CABIN1: variants seen among roughly 807,000 people sequenced by gnomAD.
The protein encoded by CABIN1 is calcineurin binding protein 1, also known as calcineurin-binding protein cabin-1.
A neutral mutation model predicts 227.7 loss-of-function variants in CABIN1; 133 were observed. That is an observed-to-expected ratio of 0.58 (90% CI 0.51 to 0.67). The LOEUF (loss-of-function observed/expected upper bound fraction) is 0.67. CABIN1 is among the 30% of genes least tolerant of loss of function. The probability of loss-of-function intolerance (pLI) is 0.00; values close to 1 mark genes in which losing one functional copy is unlikely to be tolerated. For missense variants in CABIN1, 2,408 were observed against 2,852.5 expected (o/e 0.84, Z 3.55); for synonymous variants, 1,086 against 1,155.1 (o/e 0.94, Z 1.21).
chr22:24,161,453 G>A (rs546100741), intron 29 of CABIN1, among the ~76,000 whole-genome samples: 2 of 152,304 alleles, frequency 1.3e-5, no homozygotes, highest in East Asian at 1.9e-4. Context: ...CAAGGGGTAC[G>A]GCCAGAGCAG....
chr22:24,105,662 A>T (rs891425765), intron 26 of CABIN1, among the ~76,000 whole-genome samples: 1 of 152,044 alleles, frequency 6.6e-6, no homozygotes, highest in Non-Finnish European at 1.5e-5. Context: ...ACCCAGCCCC[A>T]TAGGAAGTTT....
At chr22:24,141,342 C>A (rs1040206581) in intron 29 of CABIN1, among the ~76,000 whole-genome samples, 2 of 152,270 alleles carry the variant, frequency 1.3e-5, no homozygotes, top group African/African-American at 4.8e-5. Flanking sequence ...GTCACTGCTG[C>A]ATAGCACTCC....
At chr22:24,100,220 G>C (rs1433356464) in intron 26 of CABIN1, among the ~76,000 whole-genome samples, 1 of 152,236 alleles carries the variant, frequency 6.6e-6, no homozygotes, top group Non-Finnish European at 1.5e-5. Flanking sequence ...TCTTTGCCCA[G>C]TCCCAGCCCT....
At chr22:24,156,004 G>T in intron 29 of CABIN1, 2 of 572,540 alleles carry the variant, frequency 3.5e-6, no homozygotes, top group South Asian at 4.0e-5. Flanking sequence ...GCGAGAGAGC[G>T]AACGAGCCTC....
intron 23 of CABIN1, among the ~76,000 whole-genome samples, chr22:24,090,279 G>T (rs1006072374): frequency 6.6e-6 from 1 of 152,226 alleles, no homozygotes; most frequent in African/African-American, 2.4e-5. Context: ...ACAGGTGCCA[G>T]TGGCAGAACA....
intron 20 of CABIN1, 23 bp from the exon 21 acceptor site, chr22:24,084,556 C>T: frequency 6.3e-7 from 1 of 1,588,816 alleles, no homozygotes; most frequent in African/African-American, 1.3e-5. Context: ...TGTTACTAAT[C>T]TGCCTTCTGT....
rs1042018032 is a variant in CABIN1, at chr22:24,167,092, G to A, written c.5461G>A (p.Ala1821Thr). 21 of 1,209,202 alleles carry A rather than the reference G, an allele frequency of 1.7e-5. No homozygotes were observed. Among genetic ancestry groups the A allele is most frequent in the East Asian group, 3.7e-5 (1 of 26,734 alleles). 74.9% of individuals were successfully genotyped at this position (1,209,202 alleles called of 1,614,324 possible). Residue 1821 changes from alanine (A) to threonine (T), a missense_variant, in exon 32 of 37, where the codon GCC becomes ACC. Physicochemically the swap from Ala to Thr is moderately conservative, Grantham distance 58. This residue lies in a region of CABIN1 where 714 missense variants were observed against 773.8 expected (regional missense o/e 0.92). Coordinates refer to ENST00000263119, the MANE Select transcript of CABIN1 (RefSeq NM_012295.4). ...GCTCACCCCAGCCCAGCCAGCCCCC[G>A]CCCCCGCCCCCGCCACCACCACAGG... ...TPLTPAQPAP[A>T]PAPATTTGTR...
At chr22:24,112,002 T>C (rs2147766842) in intron 26 of CABIN1, among the ~76,000 whole-genome samples, 1 of 152,362 alleles carries the variant, frequency 6.6e-6, no homozygotes, top group South Asian at 2.1e-4. Flanking sequence ...GTTCAGCTTT[T>C]CCACTACAGC....
chr22:24,176,310 C>T, intron 35 of CABIN1, 35 bp downstream of exon 35: 1 of 1,572,874 alleles, frequency 6.4e-7, no homozygotes, highest in Non-Finnish European at 8.6e-7. Context: ...GCACCAGCCC[C>T]CAGGAGGCTG....
intron 30 of CABIN1, among the ~76,000 whole-genome samples, chr22:24,165,057 A>T (rs1301734962): frequency 6.6e-6 from 1 of 152,054 alleles, no homozygotes; most frequent in East Asian, 1.9e-4. Flanking sequence ...TGTTGGGGGG[A>T]TCCTGGAAGA....
At chr22:24,075,377 G>A (rs1445185082) in intron 18 of CABIN1, among the ~76,000 whole-genome samples, 2 of 152,128 alleles carry the variant, frequency 1.3e-5, no homozygotes, top group Non-Finnish European at 2.9e-5. Flanking sequence ...ACTTCTAGTG[G>A]TAAACAAATG....
intron 29 of CABIN1, among the ~76,000 whole-genome samples, chr22:24,156,293 G>A (rs1403551919): frequency 6.6e-6 from 1 of 152,116 alleles, no homozygotes; most frequent in African/African-American, 2.4e-5. Context: ...GCGCCCCCGC[G>A]GAGGAAATCG....
At chr22:24,015,288 AAAAAAAG>A (rs999156882) in intron 1 of CABIN1, among the ~76,000 whole-genome samples, 20 of 151,264 alleles carry the variant, frequency 1.3e-4, no homozygotes, top group Middle Eastern at 3.4e-3. Context: ...AAAAAAAAAA[AAAAAAAG>A]AATAGTGTGT....
At chr22:24,117,912 AT>A (rs1280076788) in intron 27 of CABIN1, among the ~76,000 whole-genome samples, 1 of 152,224 alleles carries the variant, frequency 6.6e-6, no homozygotes, top group African/African-American at 2.4e-5. Flanking sequence ...AACCTGGCAC[AT>A]TTTTTAATAA....
chr22:24,163,400 G>T (rs915695380), intron 29 of CABIN1, among the ~76,000 whole-genome samples: 25 of 152,132 alleles, frequency 1.6e-4, no homozygotes, highest in African/African-American at 5.6e-4. Context: ...CCCTGAGAGG[G>T]GTACCACCTA....
chr22:24,121,560 C>T (rs923537989), intron 28 of CABIN1, among the ~76,000 whole-genome samples: 1 of 152,206 alleles, frequency 6.6e-6, no homozygotes, highest in Non-Finnish European at 1.5e-5. Context: ...GTATCCCAGG[C>T]CTTCTGCACC....
chr22:24,129,439 G>A (rs1439225601), intron 28 of CABIN1, among the ~76,000 whole-genome samples: 1 of 152,148 alleles, frequency 6.6e-6, no homozygotes, highest in African/African-American at 2.4e-5. Context: ...TGGCACCCTG[G>A]CCTTGGGAAG....
chr22:24,156,235 C>T (rs2045797404), intron 29 of CABIN1, among the ~76,000 whole-genome samples: 1 of 152,142 alleles, frequency 6.6e-6, no homozygotes, highest in Non-Finnish European at 1.5e-5. Flanking sequence ...CGCCCCCCGC[C>T]TCGGCGCACC....
rs140576344 is a variant in CABIN1, at chr22:24,133,125, C to A, written c.4633-1177C>A. Reference sequence around the variant, plus strand: ...GGCAGGCAGGGGGTCCCTCAGCAGACGGGAAGCTCACAGTGAATGGAGCCT... The same window carrying A: ...GGCAGGCAGGGGGTCCCTCAGCAGAAGGGAAGCTCACAGTGAATGGAGCCT... On this transcript the variant is annotated intron_variant, in intron 28 of 36. Coordinates refer to ENST00000263119, the MANE Select transcript of CABIN1 (RefSeq NM_012295.4). 2.6e-3 allele frequency among the ~76,000 whole-genome samples: 402 copies of A among 152,262 alleles called. No individual in the cohort carries two copies. The Middle Eastern group carries it at 0.037, about 14-fold the overall frequency.
Sources: allele counts gnomAD v4.1 joint callset (sites outside exome capture counted in the v4.1 genomes callset), GRCh38; gene constraint gnomAD v4.1.1; regional missense constraint gnomAD v4.1.1; transcripts MANE v1.5; gene names NCBI Gene and HGNC (gene_info 2026-07-23, HGNC 2026-07-21).